TRPC7: variants seen among roughly 807,000 people sequenced by gnomAD.
TRPC7 encodes the protein transient receptor potential cation channel subfamily C member 7.
A neutral mutation model predicts 90.1 loss-of-function variants in TRPC7; 42 were observed. The observed-to-expected ratio is 0.47, with a 90% CI of 0.36 to 0.60. The LOEUF (loss-of-function observed/expected upper bound fraction) is 0.60, where lower values mean the gene tolerates loss of function less well. Ranked by LOEUF, TRPC7 falls within the 20% of genes least tolerant of loss-of-function variation. TRPC7 has a pLI of 0.00. For missense variants in TRPC7, 955 were observed against 1,112.3 expected (o/e 0.86, Z 2.01); for synonymous variants, 451 against 436.3 (o/e 1.03, Z -0.42).
intron 3 of TRPC7, among the ~76,000 whole-genome samples, chr5:136,286,536 C>T (rs1186373968): frequency 6.6e-6 from 1 of 152,188 alleles, no homozygotes; most frequent in Non-Finnish European, 1.5e-5. Context: ...GAGGTGCCTG[C>T]CATGTGGGTA....
intron 2 of TRPC7, among the ~76,000 whole-genome samples, chr5:136,331,568 C>A (rs776257816): frequency 4.6e-5 from 7 of 152,114 alleles, no homozygotes; most frequent in Non-Finnish European, 8.8e-5. Flanking sequence ...GGAAACATTT[C>A]TTTCCAAATA....
chr5:136,259,950 C>T (rs1182841660), intron 5 of TRPC7, among the ~76,000 whole-genome samples: 1 of 152,236 alleles, frequency 6.6e-6, no homozygotes, highest in Non-Finnish European at 1.5e-5. Flanking sequence ...CTGCCGATAC[C>T]TTAAATATCC....
chr5:136,349,004 T>C (rs1043708601), intron 2 of TRPC7, among the ~76,000 whole-genome samples: 8 of 152,246 alleles, frequency 5.3e-5, no homozygotes, highest in Non-Finnish European at 1.2e-4. Flanking sequence ...TATTTCAGAC[T>C]GATAGTTGCA....
At chr5:136,216,360 C>G in intron 10 of TRPC7, 85 bp from the exon 11 acceptor site, 3 of 1,053,038 alleles carry the variant, frequency 2.8e-6, no homozygotes, top group Admixed American at 2.0e-5. Flanking sequence ...CCCTCCCTCC[C>G]TTGAAGAGCC....
At chr5:136,221,403 T>C (rs1304465818) in intron 10 of TRPC7, among the ~76,000 whole-genome samples, 3 of 152,264 alleles carry the variant, frequency 2.0e-5, no homozygotes, top group Middle Eastern at 3.4e-3. Context: ...AGGCACACAG[T>C]TCCCACAGCC....
At chr5:136,309,196 A>G (rs956020061) in intron 3 of TRPC7, among the ~76,000 whole-genome samples, 2 of 152,200 alleles carry the variant, frequency 1.3e-5, no homozygotes, top group African/African-American at 4.8e-5. Context: ...GCCCATGTCT[A>G]TGAAAGAATC....
chr5:136,277,931 T>C (rs1364735020), intron 3 of TRPC7, among the ~76,000 whole-genome samples: 1 of 152,228 alleles, frequency 6.6e-6, no homozygotes, highest in Non-Finnish European at 1.5e-5. Flanking sequence ...ATATTCATCA[T>C]AGTAGGCAGT....
chr5:136,343,686 TTATG>T (rs1759914868), intron 2 of TRPC7, among the ~76,000 whole-genome samples: 1 of 152,150 alleles, frequency 6.6e-6, no homozygotes, highest in Admixed American at 6.5e-5. Flanking sequence ...TTAAATAAAT[TTATG>T]TTTTTCTCTT....
intron 3 of TRPC7, among the ~76,000 whole-genome samples, chr5:136,292,205 T>G (rs1310369467): frequency 6.6e-6 from 1 of 152,100 alleles, no homozygotes; most frequent in Non-Finnish European, 1.5e-5. Flanking sequence ...GGTCTAAAAT[T>G]GACACCCTAA....
intron 2 of TRPC7, 74 bp downstream of exon 2, chr5:136,356,534 C>T: frequency 7.2e-7 from 1 of 1,391,162 alleles, no homozygotes; most frequent in Non-Finnish European, 9.5e-7. Flanking sequence ...TTGAAGACAA[C>T]CCATTTCACA....
intron 2 of TRPC7, among the ~76,000 whole-genome samples, chr5:136,351,144 T>G (rs1760180486): frequency 6.6e-6 from 1 of 152,262 alleles, no homozygotes; most frequent in Non-Finnish European, 1.5e-5. Flanking sequence ...GTGATTTTTT[T>G]TTCCAAATAT....
intron 4 of TRPC7, among the ~76,000 whole-genome samples, chr5:136,273,464 CATTCTTA>C (rs1404974935): frequency 6.6e-6 from 1 of 152,168 alleles, no homozygotes; most frequent in Middle Eastern, 3.2e-3. Context: ...AGAGGGCTTC[CATTCTTA>C]ATACTACTCT....
intron 7 of TRPC7, among the ~76,000 whole-genome samples, chr5:136,244,643 T>G (rs1756278494): frequency 6.6e-6 from 1 of 152,210 alleles, no homozygotes; most frequent in African/African-American, 2.4e-5. Context: ...TCACAGAAAG[T>G]AAGAGCCTTC....
intron 5 of TRPC7, among the ~76,000 whole-genome samples, chr5:136,254,909 C>A (rs764300241): frequency 8.5e-5 from 13 of 152,128 alleles, no homozygotes; most frequent in Admixed American, 3.3e-4. Flanking sequence ...GAAGTTGATT[C>A]AAACCTTCAC....
chr5:136,320,512 ACTCT>A (rs1361906351), intron 2 of TRPC7, among the ~76,000 whole-genome samples: 6 of 151,612 alleles, frequency 4.0e-5, no homozygotes, highest in Non-Finnish European at 8.8e-5. Flanking sequence ...TCTCTGGGTC[ACTCT>A]CTCACCTTCC....
chr5:136,341,587 G>A (rs1283404299), intron 2 of TRPC7, among the ~76,000 whole-genome samples: 10 of 152,152 alleles, frequency 6.6e-5, no homozygotes, highest in Non-Finnish European at 1.3e-4. Flanking sequence ...GAGGGTTAAG[G>A]AAGAGGAGCT....
At chr5:136,267,914 G>A (rs1757087599) in intron 4 of TRPC7, among the ~76,000 whole-genome samples, 1 of 152,068 alleles carries the variant, frequency 6.6e-6, no homozygotes, top group African/African-American at 2.4e-5. Context: ...TAACATTTCT[G>A]TATAATGTTT....
chr5:136,239,199 C>A (rs1756081397), intron 7 of TRPC7, among the ~76,000 whole-genome samples: 1 of 152,188 alleles, frequency 6.6e-6, no homozygotes, highest in South Asian at 2.1e-4. Context: ...GTTGTCCAGG[C>A]TGGTCTCGAA....
chr5:136,283,762 A>T (rs1369221329), intron 3 of TRPC7, among the ~76,000 whole-genome samples: 1 of 152,154 alleles, frequency 6.6e-6, no homozygotes, highest in Non-Finnish European at 1.5e-5. Context: ...TTTCAACCTT[A>T]TTTCCTGCCC....
Sources: gnomAD v4.1 joint callset for allele counts (sites outside exome capture counted in the v4.1 genomes callset) on GRCh38, gnomAD v4.1.1 for gene constraint, MANE v1.5 for transcripts, NCBI Gene and HGNC (gene_info 2026-07-23, HGNC 2026-07-21) for gene names.